Variants in LDHC observed in about 807,000 individuals in gnomAD.
LDHC encodes the protein lactate dehydrogenase C.
LDHC carries 20 observed loss-of-function variants against 30.2 expected under a neutral mutation model. The ratio of observed to expected loss-of-function variants is 0.66; its 90% CI spans 0.47 to 0.96. The LOEUF is 0.96. Among genes scored for constraint, LDHC ranks in the 40% least tolerant of loss-of-function variants. The probability of loss-of-function intolerance (pLI) is 0.00; values close to 1 mark genes in which losing one functional copy is unlikely to be tolerated. For synonymous variants in LDHC, 139 were observed against 132.7 expected (o/e 1.05, Z -0.32); for missense variants, 362 against 394.9 (o/e 0.92, Z 0.71).
intron 6 of LDHC, among the ~76,000 whole-genome samples, chr11:18,442,957 A>G (rs1848493454): frequency 6.6e-6 from 1 of 152,024 alleles, no homozygotes; most frequent in Non-Finnish European, 1.5e-5. Context: ...TTCTAAAGCA[A>G]ATGTATTTCT....
chr11:18,417,266 G>T (rs143492649), intron 3 of LDHC, among the ~76,000 whole-genome samples: 1 of 152,324 alleles, frequency 6.6e-6, no homozygotes, highest in East Asian at 1.9e-4. Context: ...CCTCAGCCTG[G>T]CAAGTACCTG....
chr11:18,439,100 G>C (rs531151759), intron 6 of LDHC, among the ~76,000 whole-genome samples: 1 of 152,240 alleles, frequency 6.6e-6, no homozygotes, highest in Admixed American at 6.5e-5. Context: ...CTTATTAAAT[G>C]TTCATCATTT....
intron 3 of LDHC, among the ~76,000 whole-genome samples, chr11:18,416,044 T>C (rs551447558): frequency 6.6e-6 from 1 of 152,268 alleles, no homozygotes; most frequent in Non-Finnish European, 1.5e-5. Context: ...CACTTCGATA[T>C]AATTGGAGCA....
chr11:18,428,870 ATC>A (rs1848212012), intron 3 of LDHC, among the ~76,000 whole-genome samples: 1 of 75,422 alleles, frequency 1.3e-5, no homozygotes, highest in Non-Finnish European at 2.8e-5. Context: ...GTGAGACACT[ATC>A]TCAGAAAAAA....
intron 2 of LDHC, 76 bp downstream of exon 2, chr11:18,412,919 G>A: frequency 1.4e-6 from 2 of 1,412,114 alleles, no homozygotes; most frequent in Non-Finnish European, 1.9e-6. Flanking sequence ...TGTATTCAGG[G>A]TTGCAAGGTT....
In LDHC at chr11:18,434,800, G is replaced by A. The variant is rs746259283; in HGVS notation, c.479G>A (p.Gly160Glu). 1.6e-5 allele frequency: 25 copies of A among 1,610,992 alleles called. No individual in the cohort carries two copies. The South Asian group carries it at 2.6e-4, about 17-fold the overall frequency. Residue 160 changes from glycine to glutamate, a missense_variant, in exon 5 of 8, where the codon GGA becomes GAA. By Grantham distance (98) the Gly-to-Glu change is moderately conservative. Transcript: ENST00000541669. ...ISGLPVTRVI[G>E]SGCNLDSARF... Reference sequence around the variant, plus strand: ...GGCTTACCTGTAACTCGTGTAATTGGAAGTGGTTGTAATCTAGACTCTGCC... The same window carrying A: ...GGCTTACCTGTAACTCGTGTAATTGAAAGTGGTTGTAATCTAGACTCTGCC...
intron 3 of LDHC, among the ~76,000 whole-genome samples, chr11:18,417,221 C>T (rs1365186899): frequency 6.6e-6 from 1 of 152,288 alleles, no homozygotes; most frequent in African/African-American, 2.4e-5. Flanking sequence ...TAGCACACTA[C>T]AGTCTTGAAC....
At chr11:18,430,134 C>A (rs1848239376) in intron 4 of LDHC, among the ~76,000 whole-genome samples, 1 of 152,132 alleles carries the variant, frequency 6.6e-6, no homozygotes, top group Non-Finnish European at 1.5e-5. Flanking sequence ...TGCCTCCTTG[C>A]AGTTCATCTC....
At chr11:18,427,672 G>A (rs552881026) in intron 3 of LDHC, among the ~76,000 whole-genome samples, 1 of 120,918 alleles carries the variant, frequency 8.3e-6, no homozygotes, top group South Asian at 2.9e-4. Context: ...ATGATTTGGA[G>A]CCAGATTTTT....
chr11:18,447,184 A>C (rs1183037953), intron 7 of LDHC, among the ~76,000 whole-genome samples: 1 of 146,798 alleles, frequency 6.8e-6, no homozygotes, highest in African/African-American at 2.5e-5. Context: ...CCCAGGCTGG[A>C]GTGCAGTCAT....
chr11:18,449,901 A>T (rs543185056), intron 7 of LDHC, among the ~76,000 whole-genome samples: 1 of 152,228 alleles, frequency 6.6e-6, no homozygotes, highest in South Asian at 2.1e-4. Context: ...CTTCAACGCC[A>T]TTCCTGGTAA....
In LDHC at chr11:18,414,619, G is replaced by A. The variant is rs1197939320; in HGVS notation, c.127-565G>A. On this transcript the variant is annotated intron_variant, in intron 2 of 7. Coordinates refer to ENST00000541669, the MANE Select transcript of LDHC (RefSeq NM_017448.5). Reference sequence around the variant, plus strand: ...GAGGTGGGTAGATCACTTGAGGTTAGGAGTTTGAGACCAGCCTGACCAATA... The same window carrying A: ...GAGGTGGGTAGATCACTTGAGGTTAAGAGTTTGAGACCAGCCTGACCAATA... Among the ~76,000 whole-genome samples, 4 of 152,260 alleles carry A rather than the reference G, an allele frequency of 2.6e-5. 1 individual carries two copies. The highest frequency in any genetic ancestry group is 2.6e-4 in the Admixed American group (4 of 15,268).
chr11:18,414,750 C>T (rs991605616), intron 2 of LDHC, among the ~76,000 whole-genome samples: 1 of 152,112 alleles, frequency 6.6e-6, no homozygotes, highest in Non-Finnish European at 1.5e-5. Flanking sequence ...ATTGCTTGAA[C>T]CTGGGAGACG....
At chr11:18,423,462 A>C (rs148786346) in intron 3 of LDHC, among the ~76,000 whole-genome samples, 463 of 152,336 alleles carry the variant, frequency 3.0e-3, no homozygotes, top group Middle Eastern at 6.8e-3. Context: ...ATAAATAGGA[A>C]ATTTATGGAC....
At chr11:18,422,452 C>T (rs780409142) in intron 3 of LDHC, among the ~76,000 whole-genome samples, 6 of 151,024 alleles carry the variant, frequency 4.0e-5, no homozygotes, top group South Asian at 2.1e-4. Flanking sequence ...CTACTTGGTA[C>T]GCTGAGGTAG....
intron 5 of LDHC, among the ~76,000 whole-genome samples, chr11:18,436,723 T>C (rs1848362344): frequency 6.6e-6 from 1 of 151,878 alleles, no homozygotes; most frequent in African/African-American, 2.4e-5. Context: ...TGACGTCAGG[T>C]GATCCACCCG....
In LDHC at chr11:18,412,817, G is replaced by A. The variant is rs1321749595; in HGVS notation, c.100G>A (p.Ala34Thr). 6.2e-7 allele frequency: 1 copy of A among 1,613,852 alleles called. No individual in the cohort carries two copies. The highest frequency in any genetic ancestry group is 1.1e-5 in the South Asian group (1 of 91,036). The stretch of plus-strand genomic sequence containing the variant: ...TGTTGGAACTGGTGCCGTAGGCATG[G>A]CTTGTGCTATTAGTATCTTACTGAA... ...TIVGTGAVGM[A>T]CAISILLKDL... is the part of the protein sequence containing the mutation. The change falls in exon 2 of 8, where the codon GCT becomes ACT. Residue 34 changes from alanine (A) to threonine (T), a missense_variant. Physicochemically the swap from Ala to Thr is moderately conservative, Grantham distance 58. Coordinates refer to ENST00000541669, the MANE Select transcript of LDHC (RefSeq NM_017448.5).
chr11:18,421,937 A>G (rs1848066457), intron 3 of LDHC, among the ~76,000 whole-genome samples: 1 of 152,060 alleles, frequency 6.6e-6, no homozygotes, highest in African/African-American at 2.4e-5. Flanking sequence ...TAGCCTGGCC[A>G]ACATGGTGAA....
chr11:18,448,854 C>T (rs1317284590), intron 7 of LDHC, among the ~76,000 whole-genome samples: 2 of 151,406 alleles, frequency 1.3e-5, no homozygotes, highest in African/African-American at 4.8e-5. Flanking sequence ...GGGAAATTAT[C>T]ACTAACCAGG....
Sources: gnomAD v4.1 joint callset for allele counts (sites outside exome capture counted in the v4.1 genomes callset) on GRCh38, gnomAD v4.1.1 for gene constraint, MANE v1.5 for transcripts, NCBI Gene and HGNC (gene_info 2026-07-23, HGNC 2026-07-21) for gene names.